The following SNX8 variants were observed in gnomAD, a reference collection of about 807,000 sequenced individuals.
SNX8 encodes sorting nexin-8.
A neutral mutation model predicts 51.6 loss-of-function variants in SNX8; 25 were observed. The ratio of observed to expected loss-of-function variants is 0.48; its 90% confidence interval spans 0.35 to 0.68. The LOEUF is 0.68. SNX8 is among the 30% of genes least tolerant of loss of function. SNX8 has a pLI of 0.00. For missense variants in SNX8, 695 were observed against 624.0 expected (o/e 1.11, Z -1.21); for synonymous variants, 324 against 277.0 (o/e 1.17, Z -1.68).
rs1344827584 is a variant in SNX8, at chr7:2,303,638, T to C, written c.94+10690A>G. ...AAAATTCTTCTGCCTTGGGATCCTG[T>C]TGATCTGTGACCTTACCACCAACCC... On this transcript the variant is annotated intron_variant, in intron 1 of 10. Transcript: ENST00000222990. Among the ~76,000 whole-genome samples the C allele has an allele frequency of 3.3e-5, 5 of 152,230 alleles. No individual in the cohort carries two copies. The South Asian group carries it at 6.2e-4, about 19-fold the overall frequency.
chr7:2,286,937 A>G (rs1470169679), intron 1 of SNX8, among the ~76,000 whole-genome samples: 1 of 151,736 alleles, frequency 6.6e-6, no homozygotes, highest in Non-Finnish European at 1.5e-5. Flanking sequence ...TCAGGAGTTC[A>G]AGACCAGCCT....
intron 1 of SNX8, among the ~76,000 whole-genome samples, chr7:2,284,396 C>CTTTTTTT (rs751803296): frequency 1.3e-4 from 12 of 88,906 alleles, no homozygotes; most frequent in African/African-American, 1.8e-4. Flanking sequence ...CTTTTATTTC[C>CTTTTTTT]TTTTTTTTTT....
chr7:2,305,457 G>A (rs559365033), intron 1 of SNX8, among the ~76,000 whole-genome samples: 1 of 152,104 alleles, frequency 6.6e-6, no homozygotes, highest in African/African-American at 2.4e-5. Context: ...TCTGCCTCCT[G>A]GGTTCAAGTG....
rs760196820 is a variant in SNX8, at chr7:2,257,745, T to C, written c.974A>G (p.Gln325Arg). Reference sequence around the variant, plus strand: ...GCAGCCAAGACTCACCTTATAGGACTGCAGCAGATCCAAGAAGAGGTTCAG... The same window carrying C: ...GCAGCCAAGACTCACCTTATAGGACCGCAGCAGATCCAAGAAGAGGTTCAG... ...EKLNLFLDLLQSYKDLCERHE... is the reference protein window; with the variant it reads ...EKLNLFLDLLRSYKDLCERHE... Residue 325 changes from glutamine (Q) to arginine (R), a missense_variant, in exon 8 of 11, where the codon CAG (glutamine) becomes CGG (arginine). Gln to Arg is a conservative substitution (Grantham distance 43). Transcript: ENST00000222990. The C allele has an allele frequency of 6.2e-7, 1 of 1,613,972 alleles. No homozygotes were observed. The highest frequency in any genetic ancestry group is 8.5e-7 in the Non-Finnish European group (1 of 1,179,912).
At chr7:2,305,718 T>A (rs1351250933) in intron 1 of SNX8, among the ~76,000 whole-genome samples, 2 of 152,024 alleles carry the variant, frequency 1.3e-5, no homozygotes, top group East Asian at 3.9e-4. Flanking sequence ...GAAAGGACTA[T>A]AAAACTTCTA....
At chr7:2,270,800 G>C (rs1340160825) in intron 4 of SNX8, among the ~76,000 whole-genome samples, 1 of 152,180 alleles carries the variant, frequency 6.6e-6, no homozygotes, top group African/African-American at 2.4e-5. Context: ...TGTGAAGTCA[G>C]CCTGGGAGAG....
In SNX8 at chr7:2,319,789, TGGGCGACA is replaced by T. The variant is rs1282281016; in HGVS notation, c.-66+34425_-66+34432del. ...GAGACTGCACCACTGCACTCCAGCC[TGGGCGACA>T]GAGCGAGACTCCGTCTCAAAAAAAA... On this transcript the variant is annotated intron_variant, in intron 1 of 5. Coordinates refer to the SNX8 transcript ENST00000435336. 6.1e-5 allele frequency among the ~76,000 whole-genome samples: 8 copies of T among 130,426 alleles called. No homozygotes were observed. In the South Asian group the frequency reaches 1.4e-3, roughly 23 times the overall value. The allele number at this position is 130,426 out of a possible 152,430, so 85.6% of individuals were successfully genotyped here. A position where few individuals can be genotyped will look rare whatever the true frequency, so the allele number is the denominator to read the frequency against.
chr7:2,341,180 G>A (rs1583125025), intron 1 of SNX8, among the ~76,000 whole-genome samples: 1 of 147,358 alleles, frequency 6.8e-6, no homozygotes, highest in Non-Finnish European at 1.5e-5. Flanking sequence ...AAAAAAAAAA[G>A]AAAAGGAAAG....
chr7:2,308,780 A>T (rs977232877), intron 1 of SNX8, among the ~76,000 whole-genome samples: 26 of 136,048 alleles, frequency 1.9e-4, no homozygotes, highest in African/African-American at 6.6e-4. Flanking sequence ...AAATGAACAA[A>T]TTTTTTTTTT....
intron 1 of SNX8, among the ~76,000 whole-genome samples, chr7:2,327,778 G>A (rs548582760): frequency 5.2e-4 from 78 of 150,408 alleles, no homozygotes; most frequent in African/African-American, 1.2e-3. Flanking sequence ...TCCTGACCTC[G>A]TGATCCGCCC....
chr7:2,303,352 A>G (rs777756825), intron 1 of SNX8, among the ~76,000 whole-genome samples: 53 of 110,750 alleles, frequency 4.8e-4, no homozygotes, highest in African/African-American at 7.8e-4. Context: ...CCCCCCGCCC[A>G]GCCAGCCGCC....
At chr7:2,352,325 C>T (rs1289220282) in intron 1 of SNX8, among the ~76,000 whole-genome samples, 5 of 152,156 alleles carry the variant, frequency 3.3e-5, no homozygotes, top group South Asian at 4.1e-4. Flanking sequence ...CAGTAGCCCC[C>T]CCGACCCCCA....
At chr7:2,272,983 G>A (rs568745867) in intron 3 of SNX8, among the ~76,000 whole-genome samples, 3 of 151,796 alleles carry the variant, frequency 2.0e-5, no homozygotes, top group South Asian at 2.1e-4. Flanking sequence ...ACAGGCACCC[G>A]CCACCACACC....
At position 2,327,370 on chromosome 7, in the gene SNX8, G is replaced by C. The variant is rs373131097; in HGVS notation, c.-66+26852C>G. On this transcript the variant is annotated intron_variant, in intron 1 of 5. Transcript: ENST00000435336. ...TTCTCCTGCCTAAGCCTCCCAAGTAGCTGGGACTACAGGCGCCCACCACCA... is the reference window on the plus strand; with the variant it reads ...TTCTCCTGCCTAAGCCTCCCAAGTACCTGGGACTACAGGCGCCCACCACCA... 5.2e-4 allele frequency among the ~76,000 whole-genome samples: 79 copies of C among 151,200 alleles called. 2 individuals are homozygous for C. The South Asian group carries it at 7.9e-3, about 15-fold the overall frequency.
chr7:2,340,277 G>C lies in SNX8; in HGVS notation c.-66+13945C>G, dbSNP rs866518129. ...ATTATAGATGGGGTTTCTCCATGTT[G>C]GTCAGGCTGGTCTCGAACTCCCGAC... On this transcript the variant is annotated intron_variant, in intron 1 of 5. Transcript: ENST00000435336. Among the ~76,000 whole-genome samples the C allele has an allele frequency of 2.0e-5, 3 of 150,038 alleles. No individual in the cohort carries two copies. The Admixed American group carries it at 2.0e-4, about 10-fold the overall frequency.
At chr7:2,346,054 T>C (rs948361526) in intron 1 of SNX8, among the ~76,000 whole-genome samples, 2 of 152,078 alleles carry the variant, frequency 1.3e-5, no homozygotes, top group East Asian at 1.9e-4. Flanking sequence ...GTGATCTGCC[T>C]GCTCAGCCTC....
chr7:2,306,478 CTCTAACTGAAATTTTT>C (rs1404879820), intron 1 of SNX8, among the ~76,000 whole-genome samples: 1 of 152,128 alleles, frequency 6.6e-6, no homozygotes, highest in Non-Finnish European at 1.5e-5. Flanking sequence ...GCAAGAATAT[CTCTAACTGAAATTTTT>C]TTTAACTGAA....
intron 1 of SNX8, among the ~76,000 whole-genome samples, chr7:2,346,864 G>A (rs1779039836): frequency 1.4e-5 from 2 of 141,082 alleles, no homozygotes; most frequent in African/African-American, 5.3e-5. Context: ...AGGCTGCAGT[G>A]AGCCGAGATC....
chr7:2,308,999 G>A (rs1345559021), intron 1 of SNX8, among the ~76,000 whole-genome samples: 1 of 152,122 alleles, frequency 6.6e-6, no homozygotes, highest in Non-Finnish European at 1.5e-5. Context: ...ATGTTGGCCA[G>A]GCTGGTCTTG....
Sources: gnomAD v4.1 joint callset for allele counts (sites outside exome capture counted in the v4.1 genomes callset) on GRCh38, gnomAD v4.1.1 for gene constraint, MANE v1.5 for transcripts, NCBI Gene and HGNC (gene_info 2026-07-23, HGNC 2026-07-21) for gene names.